The following PHACTR1 variants were observed in gnomAD, a reference collection of about 807,000 sequenced individuals.
PHACTR1 encodes RPEL repeat containing 1.
Under a neutral mutation model 69.2 loss-of-function variants are expected in PHACTR1, and 16 were observed. The ratio of observed to expected loss-of-function variants is 0.23; its 90% CI spans 0.16 to 0.35. The LOEUF (loss-of-function observed/expected upper bound fraction) is 0.35. Ranked by LOEUF, PHACTR1 falls within the 10% of genes least tolerant of loss-of-function variation. PHACTR1 has a pLI of 1.00. For missense variants in PHACTR1, 510 were observed against 734.7 expected (o/e 0.69, Z 3.54); for synonymous variants, 312 against 284.5 (o/e 1.10, Z -0.97).
At chr6:12,867,680 CAA>C (rs1781591611) in intron 4 of PHACTR1, among the ~76,000 whole-genome samples, 2 of 152,194 alleles carry the variant, frequency 1.3e-5, no homozygotes, top group South Asian at 2.1e-4. Flanking sequence ...CAGCACTTCA[CAA>C]AATACAAATA....
chr6:12,992,371 C>A (rs560444312), intron 4 of PHACTR1, among the ~76,000 whole-genome samples: 1 of 152,188 alleles, frequency 6.6e-6, no homozygotes, highest in Non-Finnish European at 1.5e-5. Context: ...GAGTGCTATT[C>A]TTGGCTCTTA....
intron 7 of PHACTR1, among the ~76,000 whole-genome samples, chr6:13,190,367 T>C (rs145644523): frequency 1.3e-5 from 2 of 151,908 alleles, no homozygotes; most frequent in African/African-American, 4.8e-5. Flanking sequence ...ATTAATCTTA[T>C]CATATTAGGG....
chr6:12,966,954 C>T (rs1793581492), intron 4 of PHACTR1, among the ~76,000 whole-genome samples: 1 of 152,168 alleles, frequency 6.6e-6, no homozygotes, highest in African/African-American at 2.4e-5. Flanking sequence ...ATATGGTCCT[C>T]ATTTTACATT....
chr6:13,059,828 G>A (rs549482140), intron 5 of PHACTR1, among the ~76,000 whole-genome samples: 3 of 152,154 alleles, frequency 2.0e-5, no homozygotes, highest in East Asian at 3.9e-4. Context: ...ATCCAGAGTT[G>A]GCAGTTGAAT....
chr6:13,227,893 G>A lies in PHACTR1; in HGVS notation c.1064G>A (p.Gly355Glu), dbSNP rs754826954. 6.2e-7 allele frequency: 1 copy of A among 1,613,960 alleles called. No individual in the cohort carries two copies. The highest frequency in any genetic ancestry group is 8.5e-7 in the Non-Finnish European group (1 of 1,179,896). ...TCGGGTGATGGGGTCACCAAAGCAGGACCTATGGGCCTTCCAGAAATAAGA... is the reference window on the plus strand; with the variant it reads ...TCGGGTGATGGGGTCACCAAAGCAGAACCTATGGGCCTTCCAGAAATAAGA... ...LHSGDGVTKA[G>E]PMGLPEIRQV... The change falls in exon 9 of 15, where the codon GGA becomes GAA. Residue 355 changes from glycine (G) to glutamate (E), a missense_variant. Physicochemically the swap from Gly to Glu is moderately conservative, Grantham distance 98. This residue lies in a region of PHACTR1 where 419 missense variants were observed against 530.9 expected (regional missense o/e 0.79). Coordinates refer to ENST00000332995, the MANE Select transcript of PHACTR1 (RefSeq NM_030948.6).
intron 4 of PHACTR1, among the ~76,000 whole-genome samples, chr6:13,028,787 G>C (rs139550156): frequency 6.6e-6 from 1 of 152,300 alleles, no homozygotes; most frequent in East Asian, 1.9e-4. Flanking sequence ...CTCCTGAGTT[G>C]AGAGCCACTG....
At chr6:13,228,474 C>T (rs540735585) in intron 9 of PHACTR1, among the ~76,000 whole-genome samples, 12 of 152,302 alleles carry the variant, frequency 7.9e-5, no homozygotes, top group Non-Finnish European at 1.6e-4. Context: ...ACCTCAGCAA[C>T]TTTAGAAGGC....
intron 4 of PHACTR1, among the ~76,000 whole-genome samples, chr6:12,983,581 TA>T (rs1275052868): frequency 6.6e-6 from 1 of 152,210 alleles, no homozygotes; most frequent in East Asian, 1.9e-4. Flanking sequence ...AGTTCTAGGG[TA>T]CATGTGCACA....
intron 7 of PHACTR1, 101 bp from the exon 8 acceptor site, chr6:13,205,714 C>T (rs1765807062): frequency 8.7e-7 from 1 of 1,153,480 alleles, no homozygotes; most frequent in Non-Finnish European, 1.2e-6. Context: ...CTAAGAGGCT[C>T]AACTCATTGG....
intron 4 of PHACTR1, among the ~76,000 whole-genome samples, chr6:12,791,224 T>C (rs924629196): frequency 1.3e-5 from 2 of 152,114 alleles, no homozygotes; most frequent in Non-Finnish European, 2.9e-5. Flanking sequence ...CAGGTAGAAG[T>C]TTTTAGAGGA....
chr6:13,128,052 C>G (rs1033630090), intron 5 of PHACTR1, among the ~76,000 whole-genome samples: 1 of 150,130 alleles, frequency 6.7e-6, no homozygotes, highest in Non-Finnish European at 1.5e-5. Flanking sequence ...AAAAAACCAT[C>G]AGATCTTGTG....
intron 5 of PHACTR1, among the ~76,000 whole-genome samples, chr6:13,114,238 A>G (rs1034623253): frequency 1.3e-5 from 2 of 151,990 alleles, no homozygotes; most frequent in Admixed American, 1.3e-4. Context: ...AAAAGAATAC[A>G]GTTATTTTTT....
chr6:13,109,642 G>A (rs993742869), intron 5 of PHACTR1, among the ~76,000 whole-genome samples: 2 of 151,896 alleles, frequency 1.3e-5, no homozygotes, highest in East Asian at 3.9e-4. Flanking sequence ...CTTTAGGTTT[G>A]TTATGCTTTT....
At chr6:12,782,218 GCAGT>G (rs899117973) in intron 4 of PHACTR1, among the ~76,000 whole-genome samples, 4 of 152,170 alleles carry the variant, frequency 2.6e-5, no homozygotes, top group African/African-American at 9.7e-5. Flanking sequence ...CCAAGGGTTG[GCAGT>G]CAGGTGCCGC....
intron 4 of PHACTR1, among the ~76,000 whole-genome samples, chr6:12,863,902 C>T (rs9472752): frequency 0.5 from 76,575 of 151,950 alleles, 21,295 homozygotes; most frequent in East Asian, 0.81. Flanking sequence ...AATTCTGTAG[C>T]AGTTCATGAT....
chr6:13,146,909 C>T (rs1823439829), intron 5 of PHACTR1, among the ~76,000 whole-genome samples: 1 of 152,088 alleles, frequency 6.6e-6, no homozygotes, highest in Non-Finnish European at 1.5e-5. Context: ...TGAGCACAAT[C>T]ACAAAAAAAT....
intron 3 of PHACTR1, among the ~76,000 whole-genome samples, chr6:12,735,040 G>A (rs933890002): frequency 2.0e-5 from 3 of 152,212 alleles, no homozygotes; most frequent in Non-Finnish European, 4.4e-5. Flanking sequence ...TGTGGGTCAA[G>A]AATTAAGGAG....
intron 4 of PHACTR1, among the ~76,000 whole-genome samples, chr6:13,003,950 C>CATATATATATATATATATATATATA (rs1562119669): frequency 2.5e-5 from 2 of 81,360 alleles, no homozygotes; most frequent in East Asian, 4.5e-4. Flanking sequence ...CAGTAGTATT[C>CATATATATATATATATATATATATA]CTATATATAT....
chr6:12,910,304 T>C (rs1786242669), intron 4 of PHACTR1, among the ~76,000 whole-genome samples: 1 of 152,154 alleles, frequency 6.6e-6, no homozygotes, highest in Non-Finnish European at 1.5e-5. Context: ...CCCCCCAGGA[T>C]GCATTTGTCT....
Sources: gnomAD v4.1 joint callset for allele counts (sites outside exome capture counted in the v4.1 genomes callset) on GRCh38, gnomAD v4.1.1 for gene constraint, gnomAD v4.1.1 regional missense constraint, MANE v1.5 for transcripts, NCBI Gene and HGNC (gene_info 2026-07-23, HGNC 2026-07-21) for gene names.